The following STXBP6 variants were observed in gnomAD, a reference collection of about 807,000 sequenced individuals.
STXBP6 encodes syntaxin-binding protein 6.
In STXBP6, 21 loss-of-function variants were observed where a neutral mutation model predicts 26.9. That is an observed-to-expected ratio of 0.78 (90% CI 0.55 to 1.12). The LOEUF is 1.12. Among genes scored for constraint, STXBP6 ranks in the 50% most tolerant of loss-of-function variants. The probability of loss-of-function intolerance (pLI) is 0.00; values close to 1 mark genes in which losing one functional copy is unlikely to be tolerated. For synonymous variants in STXBP6, 97 were observed against 92.6 expected, an observed-to-expected ratio of 1.05 and a Z score of -0.27; for missense variants, 232 against 257.9, an observed-to-expected ratio of 0.90 and a Z score of 0.69.
chr14:25,015,058 C>G (rs1005089016), intron 1 of STXBP6, among the ~76,000 whole-genome samples: 2 of 151,988 alleles, frequency 1.3e-5, no homozygotes, highest in Admixed American at 6.6e-5. Context: ...AGCCTTTTGA[C>G]TTAGATAAAC....
chr14:24,830,068 G>A (rs1260694403), intron 4 of STXBP6, among the ~76,000 whole-genome samples: 2 of 151,998 alleles, frequency 1.3e-5, no homozygotes, highest in African/African-American at 4.8e-5. Flanking sequence ...AGATTTGAAA[G>A]GGGAAAACCC....
intron 4 of STXBP6, among the ~76,000 whole-genome samples, chr14:24,849,631 C>T (rs1314724948): frequency 2.0e-5 from 3 of 152,040 alleles, no homozygotes; most frequent in Admixed American, 6.6e-5. Context: ...ATTATTTTCC[C>T]AAGGGCAACA....
chr14:25,025,583 T>G (rs2075335321), intron 1 of STXBP6, among the ~76,000 whole-genome samples: 1 of 152,240 alleles, frequency 6.6e-6, no homozygotes, highest in Admixed American at 6.5e-5. Flanking sequence ...GCAGCCAGTG[T>G]TGCTAGATAT....
At chr14:24,980,631 AT>A (rs1321887086) in intron 1 of STXBP6, among the ~76,000 whole-genome samples, 3 of 152,232 alleles carry the variant, frequency 2.0e-5, no homozygotes, top group Non-Finnish European at 4.4e-5. Context: ...AACAAGGGCT[AT>A]TGGATGGGCT....
chr14:24,980,449 C>G (rs765399944), intron 1 of STXBP6, among the ~76,000 whole-genome samples: 1 of 152,188 alleles, frequency 6.6e-6, no homozygotes, highest in South Asian at 2.1e-4. Context: ...AGTCCACCAA[C>G]CAGTTTTTCC....
intron 4 of STXBP6, among the ~76,000 whole-genome samples, chr14:24,826,411 T>G (rs1341887627): frequency 6.6e-6 from 1 of 152,164 alleles, no homozygotes; most frequent in Non-Finnish European, 1.5e-5. Flanking sequence ...ACTAATGAGA[T>G]TGTTACCTGG....
At chr14:24,958,031 C>T (rs1367722777) in intron 2 of STXBP6, among the ~76,000 whole-genome samples, 1 of 152,032 alleles carries the variant, frequency 6.6e-6, no homozygotes, top group Non-Finnish European at 1.5e-5. Flanking sequence ...ATCTGACTTC[C>T]AAGCATACAC....
chr14:24,899,976 T>C (rs752229146), intron 2 of STXBP6, among the ~76,000 whole-genome samples: 1 of 152,018 alleles, frequency 6.6e-6, no homozygotes. Context: ...TAAAGAGAAA[T>C]ACAGAGAAGT....
chr14:24,977,839 C>G (rs1189073592), intron 1 of STXBP6, among the ~76,000 whole-genome samples: 1 of 152,190 alleles, frequency 6.6e-6, no homozygotes, highest in Non-Finnish European at 1.5e-5. Context: ...TCTCACCCAT[C>G]AGTGTGAGAC....
chr14:25,007,447 A>G (rs2074928204), intron 1 of STXBP6, among the ~76,000 whole-genome samples: 1 of 152,200 alleles, frequency 6.6e-6, no homozygotes, highest in East Asian at 1.9e-4. Flanking sequence ...TGTGGGTACA[A>G]TCAGTCACCA....
chr14:24,996,466 A>G (rs1462061148), intron 1 of STXBP6, among the ~76,000 whole-genome samples: 1 of 152,080 alleles, frequency 6.6e-6, no homozygotes, highest in East Asian at 1.9e-4. Flanking sequence ...AATTCACAAA[A>G]TCACTTCTCC....
intron 2 of STXBP6, among the ~76,000 whole-genome samples, chr14:24,859,079 C>T (rs761841098): frequency 3.3e-5 from 5 of 152,128 alleles, no homozygotes; most frequent in Admixed American, 6.6e-5. Flanking sequence ...CTGTATATTG[C>T]GGGCATGTTT....
intron 2 of STXBP6, among the ~76,000 whole-genome samples, chr14:24,904,267 A>G (rs977723797): frequency 3.0e-4 from 46 of 152,214 alleles, no homozygotes; most frequent in Admixed American, 2.0e-3. Flanking sequence ...ATAGGTGAAT[A>G]CATCCAGCCA....
At chr14:25,048,201 A>G (rs374809898) in intron 1 of STXBP6, among the ~76,000 whole-genome samples, 1 of 152,366 alleles carries the variant, frequency 6.6e-6, no homozygotes, top group East Asian at 1.9e-4. Context: ...ACAACTGAGT[A>G]AAGAGCACAG....
chr14:24,957,498 C>T (rs985936151), intron 2 of STXBP6, among the ~76,000 whole-genome samples: 2 of 152,194 alleles, frequency 1.3e-5, no homozygotes, highest in Non-Finnish European at 2.9e-5. Context: ...CACCAGCTGC[C>T]TTCTCGCCTT....
At position 24,830,371 on chromosome 14, in the gene STXBP6, T is replaced by C. The variant is rs143661351; in HGVS notation, c.452-11177A>G. Reference sequence around the variant, plus strand: ...CAGTAATTCAGGTAAGAGATAAAGGTGGCCTGTACTAGGATGATGTCAGTG... The same window carrying C: ...CAGTAATTCAGGTAAGAGATAAAGGCGGCCTGTACTAGGATGATGTCAGTG... On this transcript the variant is annotated intron_variant, in intron 4 of 5. Coordinates refer to ENST00000323944, the MANE Select transcript of STXBP6 (RefSeq NM_001394410.1). Among the ~76,000 whole-genome samples, 553 of 152,136 alleles carry C rather than the reference T, an allele frequency of 3.6e-3. 5 individuals are homozygous for C. The highest frequency in any genetic ancestry group is 3.9e-3 in the Non-Finnish European group (262 of 67,992).
In STXBP6 at chr14:24,909,723, G is replaced by T. The variant is rs189521137; in HGVS notation, c.155-52566C>A. Among the ~76,000 whole-genome samples the T allele has an allele frequency of 2.4e-4, 37 of 151,040 alleles. No individual in the cohort carries two copies. In the East Asian group the frequency reaches 7.3e-3, roughly 30 times the overall value. On this transcript the variant is annotated intron_variant, in intron 2 of 5. Coordinates refer to ENST00000323944, the MANE Select transcript of STXBP6 (RefSeq NM_001394410.1). ...AGAGCATTGTACTTACCAGATATGA[G>T]AATTTTTTTTTTTTGACAGTCTTGC...
At chr14:24,850,184 G>C (rs1221589711) in intron 4 of STXBP6, among the ~76,000 whole-genome samples, 1 of 151,982 alleles carries the variant, frequency 6.6e-6, no homozygotes, top group Non-Finnish European at 1.5e-5. Flanking sequence ...TGTATTGTTT[G>C]GAAGAAAAGA....
chr14:24,901,947 G>A (rs2071228940), intron 2 of STXBP6, among the ~76,000 whole-genome samples: 1 of 152,040 alleles, frequency 6.6e-6, no homozygotes, highest in Non-Finnish European at 1.5e-5. Context: ...ATAGGTGTTC[G>A]CATATGTAAA....
Sources: gnomAD v4.1 joint callset for allele counts (sites outside exome capture counted in the v4.1 genomes callset) on GRCh38, gnomAD v4.1.1 for gene constraint, MANE v1.5 for transcripts, NCBI Gene and HGNC (gene_info 2026-07-23, HGNC 2026-07-21) for gene names.